The following WWOX variants were observed in gnomAD, a reference collection of about 807,000 sequenced individuals.
WWOX encodes the protein WW domain containing oxidoreductase, also known as WW domain-containing oxidoreductase.
Under a neutral mutation model 46.2 loss-of-function variants are expected in WWOX, and 69 were observed. The observed-to-expected ratio is 1.49, with a 90% CI of 1.23 to 1.82. WWOX has a LOEUF of 1.82. Among genes scored for constraint, WWOX ranks in the 40% most tolerant of loss-of-function variants. The pLI, the probability that WWOX is intolerant of heterozygous loss-of-function variation, is 0.00. For missense variants in WWOX, 919 were observed against 542.6 expected (o/e 1.69, Z -6.89); for synonymous variants, 359 against 202.6 (o/e 1.77, Z -6.56).
intron 8 of WWOX, among the ~76,000 whole-genome samples, chr16:78,474,508 G>C (rs537106764): frequency 6.6e-5 from 10 of 152,280 alleles, no homozygotes; most frequent in Admixed American, 2.6e-4. Flanking sequence ...AGATTTTCTT[G>C]TTTGCTTTTC....
chr16:78,292,733 G>A (rs2151861478), intron 5 of WWOX, among the ~76,000 whole-genome samples: 1 of 152,196 alleles, frequency 6.6e-6, no homozygotes, highest in South Asian at 2.1e-4. Flanking sequence ...TAAATGTGCT[G>A]CCCTTACCCT....
At chr16:78,911,143 G>T (rs902306826) in intron 8 of WWOX, among the ~76,000 whole-genome samples, 1 of 151,902 alleles carries the variant, frequency 6.6e-6, no homozygotes, top group Admixed American at 6.6e-5. Flanking sequence ...TGTCTTCCTA[G>T]GCCCTTGTCA....
intron 8 of WWOX, among the ~76,000 whole-genome samples, chr16:78,966,077 G>T (rs1361443406): frequency 6.6e-6 from 1 of 152,162 alleles, no homozygotes; most frequent in African/African-American, 2.4e-5. Context: ...CAGCTCTGAG[G>T]ATTCCAAGCT....
intron 8 of WWOX, among the ~76,000 whole-genome samples, chr16:79,190,417 G>C (rs955164298): frequency 6.6e-6 from 1 of 152,090 alleles, no homozygotes; most frequent in Non-Finnish European, 1.5e-5. Flanking sequence ...GAATTCCAAA[G>C]ACCACTGGAC....
chr16:79,134,352 G>C (rs1279798774), intron 8 of WWOX, among the ~76,000 whole-genome samples: 1 of 152,120 alleles, frequency 6.6e-6, no homozygotes, highest in African/African-American at 2.4e-5. Flanking sequence ...GAGAAGATAA[G>C]AAAGTACACT....
chr16:78,584,081 T>C (rs1265050605), intron 8 of WWOX, among the ~76,000 whole-genome samples: 2 of 152,212 alleles, frequency 1.3e-5, no homozygotes, highest in African/African-American at 4.8e-5. Flanking sequence ...TATAAAGTTA[T>C]TTGTGTGTTT....
At chr16:78,604,211 C>G (rs1036222785) in intron 8 of WWOX, among the ~76,000 whole-genome samples, 1 of 152,018 alleles carries the variant, frequency 6.6e-6, no homozygotes, top group African/African-American at 2.4e-5. Flanking sequence ...TGGATGGGCC[C>G]AAAATACTTT....
intron 4 of WWOX, among the ~76,000 whole-genome samples, chr16:78,128,065 C>A (rs1410867681): frequency 6.6e-6 from 1 of 151,944 alleles, no homozygotes; most frequent in Non-Finnish European, 1.5e-5. Context: ...AGGTTGCTGG[C>A]GTTTGGGGAA....
intron 8 of WWOX, among the ~76,000 whole-genome samples, chr16:78,795,152 C>G (rs1023807333): frequency 1.3e-5 from 2 of 151,982 alleles, no homozygotes; most frequent in Non-Finnish European, 2.9e-5. Flanking sequence ...GCAAGAATGT[C>G]TTACATTTAT....
chr16:78,904,142 T>C (rs144295540), intron 8 of WWOX, among the ~76,000 whole-genome samples: 88 of 152,190 alleles, frequency 5.8e-4, no homozygotes, highest in African/African-American at 2.0e-3. Context: ...TAGCAACAGA[T>C]GTAAAGTCCA....
intron 8 of WWOX, among the ~76,000 whole-genome samples, chr16:78,453,682 A>G (rs1406760852): frequency 6.6e-6 from 1 of 152,166 alleles, no homozygotes; most frequent in Non-Finnish European, 1.5e-5. Flanking sequence ...AAACATTTTA[A>G]TCAGTGCTGT....
intron 8 of WWOX, among the ~76,000 whole-genome samples, chr16:79,164,055 G>T (rs2050542812): frequency 6.6e-6 from 1 of 152,200 alleles, no homozygotes; most frequent in Non-Finnish European, 1.5e-5. Flanking sequence ...AGGCAGGCGT[G>T]ATCGCGTTCA....
rs78674198 is a variant in WWOX, at chr16:78,787,756, G to C, written c.1056+355004G>C. On this transcript the variant is annotated intron_variant, in intron 8 of 8. Transcript: ENST00000566780. ...AGGAGCCACCAAATTGTTTTCCACG[G>C]AGGCTGCACCATTTTATATTTCCAC... Among the ~76,000 whole-genome samples, 1,136 of 152,234 alleles carry C rather than the reference G, an allele frequency of 7.5e-3. 3 individuals carry two copies. The highest frequency in any genetic ancestry group is 0.011 in the Non-Finnish European group (734 of 68,022).
At chr16:78,459,152 A>G (rs2083893864) in intron 8 of WWOX, among the ~76,000 whole-genome samples, 2 of 152,198 alleles carry the variant, frequency 1.3e-5, no homozygotes, top group Non-Finnish European at 1.5e-5. Flanking sequence ...TCAGGTGGCC[A>G]CAGTTTCCCA....
At chr16:78,652,655 A>C (rs1008264489) in intron 8 of WWOX, among the ~76,000 whole-genome samples, 1 of 152,164 alleles carries the variant, frequency 6.6e-6, no homozygotes, top group African/African-American at 2.4e-5. Flanking sequence ...TCGACCACCC[A>C]TGACTCTGGA....
chr16:79,069,943 C>T (rs999764423), intron 8 of WWOX, among the ~76,000 whole-genome samples: 3 of 152,186 alleles, frequency 2.0e-5, no homozygotes, highest in African/African-American at 7.2e-5. Flanking sequence ...ACCTTTGTGT[C>T]ACATATTTAA....
chr16:78,466,338 A>G (rs1163921416), intron 8 of WWOX, among the ~76,000 whole-genome samples: 1 of 151,978 alleles, frequency 6.6e-6, no homozygotes, highest in Non-Finnish European at 1.5e-5. Flanking sequence ...GCTATTGGGT[A>G]CAAGTTTCCT....
At chr16:78,707,508 C>G (rs2048349906) in intron 8 of WWOX, among the ~76,000 whole-genome samples, 1 of 152,172 alleles carries the variant, frequency 6.6e-6, no homozygotes, top group Non-Finnish European at 1.5e-5. Flanking sequence ...TTGGAAAAGT[C>G]TGTGCATCTG....
intron 5 of WWOX, among the ~76,000 whole-genome samples, chr16:78,299,198 G>A (rs768831104): frequency 5.3e-5 from 8 of 152,180 alleles, no homozygotes; most frequent in African/African-American, 1.7e-4. Context: ...GAAAGCTAGC[G>A]TGAAGTGGAG....
Sources: gnomAD v4.1 joint callset for allele counts (sites outside exome capture counted in the v4.1 genomes callset) on GRCh38, gnomAD v4.1.1 for gene constraint, MANE v1.5 for transcripts, NCBI Gene and HGNC (gene_info 2026-07-23, HGNC 2026-07-21) for gene names.